Variants in TOGARAM1 observed in about 807,000 individuals in gnomAD.
TOGARAM1 encodes the protein TOG array regulator of axonemal microtubules 1.
In TOGARAM1, 100 loss-of-function variants were observed where a neutral mutation model predicts 166.6. The ratio of observed to expected loss-of-function variants is 0.60; its 90% CI spans 0.51 to 0.71. TOGARAM1 has a LOEUF of 0.71. Among genes scored for constraint, TOGARAM1 ranks in the 30% least tolerant of loss-of-function variants. The pLI is 0.00. For synonymous variants in TOGARAM1, 758 were observed against 763.8 expected (o/e 0.99, Z 0.13); for missense variants, 2,029 against 2,102.7 (o/e 0.96, Z 0.69).
chr14:44,962,278 G>A lies in TOGARAM1; in HGVS notation c.-144G>A. 9.5e-7 allele frequency: 1 copy of A among 1,047,824 alleles called. No individual in the cohort carries two copies. The highest frequency in any genetic ancestry group is 2.8e-5 in the East Asian group (1 of 35,792). 64.9% of individuals were successfully genotyped at this position (1,047,824 alleles called of 1,614,324 possible). A position where few individuals can be genotyped will look rare whatever the true frequency, so the allele number is the denominator to read the frequency against. On this transcript the variant is annotated 5_prime_UTR_variant, in exon 1 of 20. Coordinates refer to ENST00000361462, the MANE Select transcript of TOGARAM1 (RefSeq NM_001308120.2). ...TTGCCAGAGGCTGCCTCCCGGAGTTGGGGGCGGCCTGGCGGCAGGCTGAAG... is the reference window on the plus strand; with the variant it reads ...TTGCCAGAGGCTGCCTCCCGGAGTTAGGGGCGGCCTGGCGGCAGGCTGAAG...
chr14:45,053,295 C>G (rs554565252), intron 15 of TOGARAM1, among the ~76,000 whole-genome samples: 225 of 152,206 alleles, frequency 1.5e-3, no homozygotes, highest in African/African-American at 5.2e-3. Flanking sequence ...CCTGACTCGG[C>G]CTCCCAAAGT....
intron 6 of TOGARAM1, among the ~76,000 whole-genome samples, chr14:45,010,682 A>T (rs1879735190): frequency 6.6e-6 from 1 of 152,168 alleles, no homozygotes; most frequent in South Asian, 2.1e-4. Context: ...TGAATTTAAG[A>T]TTTCCACATT....
intron 10 of TOGARAM1, among the ~76,000 whole-genome samples, chr14:45,031,905 A>G (rs891901334): frequency 6.6e-6 from 1 of 152,118 alleles, no homozygotes; most frequent in Non-Finnish European, 1.5e-5. Context: ...CATGCCTGTA[A>G]TCCCATCACT....
Position 45,004,290 on chromosome 14 carries a change from C to T in TOGARAM1, c.2568C>T (p.Phe856=), listed in dbSNP as rs947191819. 5 of 1,613,964 alleles carry T rather than the reference C, an allele frequency of 3.1e-6. No individual in the cohort carries two copies. The highest frequency in any genetic ancestry group is 3.4e-6 in the Non-Finnish European group (4 of 1,180,016). ...CAAATTCCTGGCCTCTTAAAAGCTT[C>T]GAAGGACTATCAAAGCCAAGTCCAC... is the stretch of plus-strand genomic sequence containing the variant. The part of the protein sequence containing the change: ...NFSNSWPLKS[F]EGLSKPSPQK... The change falls in exon 4 of 20, where the codon TTC becomes TTT. Residue 856 remains phenylalanine (F), a synonymous_variant. Coordinates refer to ENST00000361462, the MANE Select transcript of TOGARAM1 (RefSeq NM_001308120.2).
intron 18 of TOGARAM1, among the ~76,000 whole-genome samples, chr14:45,070,359 G>A (rs1385426247): frequency 1.3e-5 from 2 of 152,292 alleles, no homozygotes; most frequent in East Asian, 3.9e-4. Context: ...AGTGATGCTG[G>A]AAGTGCTCCC....
intron 16 of TOGARAM1, among the ~76,000 whole-genome samples, chr14:45,057,395 G>A (rs1289807312): frequency 6.6e-6 from 1 of 151,932 alleles, no homozygotes; most frequent in East Asian, 1.9e-4. Context: ...CTTGAAGTGT[G>A]ATGTTAAGTT....
chr14:44,967,211 A>G (rs1218197364), intron 1 of TOGARAM1, among the ~76,000 whole-genome samples: 1 of 152,156 alleles, frequency 6.6e-6, no homozygotes, highest in Non-Finnish European at 1.5e-5. Context: ...TAATGCATTT[A>G]TATTAATACC....
At chr14:45,044,202 C>G (rs1461399255) in intron 12 of TOGARAM1, among the ~76,000 whole-genome samples, 1 of 151,948 alleles carries the variant, frequency 6.6e-6, no homozygotes, top group Non-Finnish European at 1.5e-5. Flanking sequence ...TAGAGACAGG[C>G]TTTGACCATA....
chr14:45,029,605 G>A lies in TOGARAM1; in HGVS notation c.3658+1276G>A, dbSNP rs139255147. On this transcript the variant is annotated intron_variant, in intron 10 of 19. Coordinates refer to ENST00000361462, the MANE Select transcript of TOGARAM1 (RefSeq NM_001308120.2). ...ATTTTTAATAGCTAAATTCTAATTG[G>A]ATATGCCTCCAGTTAAGAAACTTTC... Among the ~76,000 whole-genome samples, 716 of 152,226 alleles carry A rather than the reference G, an allele frequency of 4.7e-3. 4 individuals carry two copies. The highest frequency in any genetic ancestry group is 6.5e-3 in the Non-Finnish European group (442 of 68,008).
At chr14:45,004,930 T>C (rs1034159995) in intron 4 of TOGARAM1, among the ~76,000 whole-genome samples, 5 of 151,082 alleles carry the variant, frequency 3.3e-5, no homozygotes, top group Non-Finnish European at 7.4e-5. Flanking sequence ...ATTTGAAACT[T>C]TTTTTTTTTG....
chr14:44,968,157 G>T (rs940249096), intron 1 of TOGARAM1, among the ~76,000 whole-genome samples: 1 of 152,114 alleles, frequency 6.6e-6, no homozygotes, highest in Non-Finnish European at 1.5e-5. Context: ...GGTCTTAGAA[G>T]AACTATTTTA....
chr14:45,055,613 G>A (rs1489407722), intron 16 of TOGARAM1, among the ~76,000 whole-genome samples: 1 of 151,952 alleles, frequency 6.6e-6, no homozygotes, highest in Non-Finnish European at 1.5e-5. Context: ...GACCAGCCTG[G>A]CCAACGTAGT....
intron 16 of TOGARAM1, among the ~76,000 whole-genome samples, chr14:45,056,747 T>G (rs1882657616): frequency 6.6e-6 from 1 of 152,124 alleles, no homozygotes; most frequent in Non-Finnish European, 1.5e-5. Flanking sequence ...CTTTTTGACG[T>G]GCTGTTGTTG....
At chr14:45,049,537 G>A (rs1335320298) in intron 14 of TOGARAM1, among the ~76,000 whole-genome samples, 3 of 152,136 alleles carry the variant, frequency 2.0e-5, no homozygotes, top group South Asian at 4.1e-4. Flanking sequence ...GGGATTATAG[G>A]TGTGAGCCAC....
At chr14:45,068,945 G>T (rs1883257928) in intron 18 of TOGARAM1, among the ~76,000 whole-genome samples, 1 of 151,184 alleles carries the variant, frequency 6.6e-6, no homozygotes, top group African/African-American at 2.4e-5. Flanking sequence ...ATAAAATAAA[G>T]AAAAAAATAT....
chr14:45,063,095 C>G (rs1050269726), intron 16 of TOGARAM1, among the ~76,000 whole-genome samples: 3 of 152,036 alleles, frequency 2.0e-5, no homozygotes, highest in Non-Finnish European at 2.9e-5. Flanking sequence ...CTTATACTTA[C>G]GTTTATATTA....
chr14:44,995,031 A>G (rs535734086), intron 1 of TOGARAM1, among the ~76,000 whole-genome samples: 2 of 152,250 alleles, frequency 1.3e-5, no homozygotes, highest in Non-Finnish European at 2.9e-5. Flanking sequence ...GTGATCCGGG[A>G]CAATTGAGGT....
chr14:44,995,113 T>G (rs2138807194), intron 1 of TOGARAM1, among the ~76,000 whole-genome samples: 1 of 152,338 alleles, frequency 6.6e-6, no homozygotes, highest in East Asian at 1.9e-4. Context: ...ATGTGCAACT[T>G]CAAAATTGTA....
intron 2 of TOGARAM1, among the ~76,000 whole-genome samples, chr14:44,997,876 A>G (rs959258563): frequency 1.3e-5 from 2 of 152,176 alleles, no homozygotes; most frequent in Non-Finnish European, 2.9e-5. Flanking sequence ...TTAGGATTTC[A>G]AGATATAGCA....
Sources: gnomAD v4.1 joint callset for allele counts (sites outside exome capture counted in the v4.1 genomes callset) on GRCh38, gnomAD v4.1.1 for gene constraint, MANE v1.5 for transcripts, NCBI Gene and HGNC (gene_info 2026-07-23, HGNC 2026-07-21) for gene names.